ABCD4: variants seen among roughly 807,000 people sequenced by gnomAD.
ABCD4 encodes the protein lysosomal cobalamin transporter ABCD4.
In ABCD4, 53 loss-of-function variants were observed where a neutral mutation model predicts 86.3. The observed-to-expected ratio is 0.61, with a 90% CI of 0.49 to 0.77. The LOEUF (loss-of-function observed/expected upper bound fraction) is 0.77. ABCD4 is among the 30% of genes least tolerant of loss of function. ABCD4 has a pLI of 0.00. For synonymous variants in ABCD4, 328 were observed against 313.6 expected, an observed-to-expected ratio of 1.05 and a Z score of -0.49; for missense variants, 757 against 764.5, an observed-to-expected ratio of 0.99 and a Z score of 0.12.
chr14:74,295,324 G>T (rs889286380), intron 6 of ABCD4, 126 bp from the exon 7 acceptor site: 2 of 1,071,552 alleles, frequency 1.9e-6, no homozygotes, highest in Non-Finnish European at 2.8e-6. Flanking sequence ...GGCTGCCTCA[G>T]TCTGACCCTT....
intron 1 of ABCD4, among the ~76,000 whole-genome samples, 157 bp downstream of exon 1, chr14:74,302,718 G>T (rs928318032): frequency 3.9e-5 from 6 of 152,234 alleles, no homozygotes; most frequent in Non-Finnish European, 8.8e-5. Flanking sequence ...AGCGGCGGGA[G>T]GGCGGACGCC....
intron 1 of ABCD4, among the ~76,000 whole-genome samples, chr14:74,301,045 G>C (rs1178733526): frequency 3.9e-5 from 6 of 152,016 alleles, no homozygotes; most frequent in Non-Finnish European, 7.4e-5. Flanking sequence ...TAGGAGACGG[G>C]GTTTCATCAT....
At chr14:74,292,462 G>T in intron 10 of ABCD4, 86 bp from the exon 11 acceptor site, 2 of 1,584,510 alleles carry the variant, frequency 1.3e-6, no homozygotes, top group African/African-American at 1.3e-5. Flanking sequence ...ACGAGTACAT[G>T]GTATGTCTCT....
chr14:74,293,033 C>G (rs2081968320), intron 8 of ABCD4, 121 bp downstream of exon 8: 4 of 1,445,204 alleles, frequency 2.8e-6, no homozygotes, highest in South Asian at 1.3e-5. Context: ...CCCTCCTCAT[C>G]CCCGGTTAAT....
intron 1 of ABCD4, among the ~76,000 whole-genome samples, chr14:74,300,514 C>T (rs566036561): frequency 3.3e-5 from 5 of 150,956 alleles, no homozygotes; most frequent in Admixed American, 6.6e-5. Flanking sequence ...ATTGCTTGGA[C>T]CTGGGAGGCA....
intron 3 of ABCD4, among the ~76,000 whole-genome samples, chr14:74,298,272 C>A (rs1332233538): frequency 1.3e-5 from 2 of 152,104 alleles, no homozygotes; most frequent in Non-Finnish European, 2.9e-5. Flanking sequence ...CATTCCTTCA[C>A]CAAATTTTTT....
Position 74,295,932 on chromosome 14 carries a change from C to G in ABCD4, c.590G>C (p.Gly197Ala). The G allele has an allele frequency of 6.2e-7, 1 of 1,612,436 alleles. No individual in the cohort carries two copies. Among genetic ancestry groups the G allele is most frequent in the South Asian group, 1.1e-5 (1 of 90,772 alleles). The change falls in exon 6 of 19, where the codon GGG (glycine) becomes GCG (alanine). Residue 197 changes from glycine to alanine, a missense_variant. By Grantham distance (60) the Gly-to-Ala change is moderately conservative. Transcript: ENST00000356924. ...CATCAAAGTTTTGTTCACCACGGTC[C>G]CCAGGATGAAATACCCGAAGATGCT... ...PVSIFGYFIL[G>A]TVVNKTLMGP...
rs772681992 is a variant in ABCD4 at position 74,288,758 on chromosome 14, G to A, written c.1464C>T (p.Ala488=). The A allele has an allele frequency of 3.7e-6, 6 of 1,613,456 alleles. No homozygotes were observed. In the East Asian group the frequency reaches 8.9e-5, roughly 24 times the overall value. The change falls in exon 15 of 19, where the codon GCC becomes GCT. Residue 488 remains alanine (A), a synonymous_variant. Transcript: ENST00000356924. ...LKEVYPDSGS[A]DDERILRFLE... ...AGAACCTCAAGATCCTCTCATCATCGGCAGAACCTGCACAACAAAGAAGCC... is the reference window on the plus strand; with the variant it reads ...AGAACCTCAAGATCCTCTCATCATCAGCAGAACCTGCACAACAAAGAAGCC...
intron 5 of ABCD4, 43 bp from the exon 6 acceptor site, chr14:74,296,022 GCCACCTATCC>G (rs2082758730): frequency 1.3e-6 from 2 of 1,561,902 alleles, no homozygotes; most frequent in Admixed American, 4.0e-5. Context: ...GGTGTGGGGT[GCCACCTATCC>G]CCACATGCCT....
chr14:74,297,836 G>T, intron 4 of ABCD4, 94 bp downstream of exon 4: 1 of 1,490,944 alleles, frequency 6.7e-7, no homozygotes, highest in South Asian at 1.5e-5. Context: ...GACTGCAGAT[G>T]ATCTCCTTGG....
At position 74,292,649 on chromosome 14, in the gene ABCD4, A is replaced by G. The variant is rs1259798396; in HGVS notation, c.937-7T>C. The stretch of plus-strand genomic sequence containing the variant: ...AGATGCACACAAAGGCATTCTGGAC[A>G]GGATGGGAAGAGGTCAAGCAGGTCT... On this transcript the variant is annotated splice_polypyrimidine_tract_variant and splice_region_variant and intron_variant, in intron 9 of 18. Transcript: ENST00000356924. 6.2e-7 allele frequency: 1 copy of G among 1,614,004 alleles called. No homozygotes were observed. Among genetic ancestry groups the G allele is most frequent in the Non-Finnish European group, 8.5e-7 (1 of 1,180,016 alleles).
chr14:74,295,225 CT>C, intron 6 of ABCD4, 27 bp from the exon 7 acceptor site: 1 of 1,613,888 alleles, frequency 6.2e-7, no homozygotes, highest in Non-Finnish European at 8.5e-7. Context: ...GAAATGTGTG[CT>C]GACAACAGGG....
intron 11 of ABCD4, 87 bp downstream of exon 11, chr14:74,292,199 TG>T (rs1325512126): frequency 2.6e-5 from 32 of 1,244,162 alleles, no homozygotes; most frequent in Non-Finnish European, 3.6e-5. Context: ...GCTGCCCAGC[TG>T]GGAAAGGGCA....
intron 17 of ABCD4, among the ~76,000 whole-genome samples, chr14:74,287,179 C>G (rs1357114118): frequency 6.6e-6 from 1 of 152,168 alleles, no homozygotes. Flanking sequence ...GGTGCCCATT[C>G]ATTTGATGGT....
intron 4 of ABCD4, chr14:74,296,660 C>T (rs1314026308): frequency 1.4e-5 from 8 of 553,434 alleles, no homozygotes; most frequent in East Asian, 9.2e-5. Context: ...TTGCATCTTA[C>T]GGTGCCTTAG....
intron 7 of ABCD4, chr14:74,294,262 C>T (rs755333132): frequency 6.6e-6 from 1 of 152,146 alleles, no homozygotes; most frequent in Non-Finnish European, 1.5e-5. Context: ...CCATGTTGGC[C>T]ATGGCTGGTC....
chr14:74,290,100 G>A lies in ABCD4; in HGVS notation c.1346C>T (p.Thr449Met), dbSNP rs969369250. Reference protein sequence around the residue: ...TSTRGSVQMLTDFGPHGVLFL... With the variant: ...TSTRGSVQMLMDFGPHGVLFL... ...TAGCACCCCATGGGGCCCAAAGTCC[G>A]TCAGCATCTGCACTGAGCCTGCAGA... Residue 449 changes from threonine to methionine, a missense_variant, in exon 13 of 19, where the codon ACG becomes ATG. Thr to Met is a moderately conservative substitution (Grantham distance 81, BLOSUM62 -1). Coordinates refer to ENST00000356924, the MANE Select transcript of ABCD4 (RefSeq NM_005050.4). The A allele has an allele frequency of 2.0e-5, 33 of 1,613,978 alleles. No individual in the cohort carries two copies. The highest frequency in any genetic ancestry group is 1.1e-4 in the African/African-American group (8 of 74,914).
chr14:74,296,106 C>T, intron 5 of ABCD4, 127 bp from the exon 6 acceptor site: 1 of 1,320,210 alleles, frequency 7.6e-7, no homozygotes, highest in East Asian at 2.4e-5. Flanking sequence ...AATGGGCCCT[C>T]TGCTCCTATG....
chr14:74,291,870 C>G (rs74063807), intron 11 of ABCD4, among the ~76,000 whole-genome samples: 1 of 152,050 alleles, frequency 6.6e-6, no homozygotes, highest in Admixed American at 6.5e-5. Context: ...GTGTGGAGAT[C>G]AAGCAAATCC....
Sources: gnomAD v4.1 joint callset for allele counts (sites outside exome capture counted in the v4.1 genomes callset) on GRCh38, gnomAD v4.1.1 for gene constraint, MANE v1.5 for transcripts, NCBI Gene and HGNC (gene_info 2026-07-23, HGNC 2026-07-21) for gene names.